The following APBA2 variants were observed in gnomAD, a reference collection of about 807,000 sequenced individuals.
The protein encoded by APBA2 is amyloid beta precursor protein binding family A member 2.
In APBA2, 30 loss-of-function variants were observed where a neutral mutation model predicts 75.0. That is an observed-to-expected ratio of 0.40 (90% CI 0.30 to 0.54). The LOEUF is 0.54. APBA2 is among the 20% of genes least tolerant of loss of function. The pLI is 0.49. For missense variants in APBA2, 801 were observed against 1,016.1 expected (o/e 0.79, Z 2.88); for synonymous variants, 444 against 409.6 (o/e 1.08, Z -1.01).
intron 4 of APBA2, among the ~76,000 whole-genome samples, chr15:29,060,931 C>A (rs1054881493): frequency 8.5e-5 from 13 of 152,084 alleles, no homozygotes; most frequent in Non-Finnish European, 5.9e-5. Flanking sequence ...GAGGGAGGAC[C>A]CCAGCTGGGC....
chr15:29,075,052 T>A, intron 5 of APBA2, 51 bp downstream of exon 5: 1 of 1,296,978 alleles, frequency 7.7e-7, no homozygotes, highest in Non-Finnish European at 1.1e-6. Flanking sequence ...CATCTAATGA[T>A]GGAGTGGCCC....
intron 2 of APBA2, among the ~76,000 whole-genome samples, chr15:28,954,492 C>T (rs1398298929): frequency 2.0e-5 from 3 of 152,190 alleles, no homozygotes; most frequent in South Asian, 2.1e-4. Context: ...GTGGCTTCTG[C>T]GGACTTTGGT....
At chr15:28,921,776 C>T (rs1432418602) in intron 2 of APBA2, 27 bp downstream of exon 2, 1 of 152,226 alleles carries the variant, frequency 6.6e-6, no homozygotes, top group Non-Finnish European at 1.5e-5. Context: ...ATGATCCCCA[C>T]TGCACTTAAT....
At chr15:28,983,543 G>A (rs748807893) in intron 2 of APBA2, among the ~76,000 whole-genome samples, 30 of 152,250 alleles carry the variant, frequency 2.0e-4, no homozygotes, top group Non-Finnish European at 3.5e-4. Flanking sequence ...TTTTCTCTTC[G>A]AGGCTGGTTG....
chr15:28,976,068 A>G (rs374689338), intron 2 of APBA2, among the ~76,000 whole-genome samples: 8 of 152,242 alleles, frequency 5.3e-5, no homozygotes, highest in East Asian at 1.9e-4. Flanking sequence ...ATGTCTTTCA[A>G]TAAAGTAACA....
chr15:28,890,255 G>T lies in APBA2; in HGVS notation c.-205+3977G>T, dbSNP rs980493885. On this transcript the variant is annotated intron_variant, in intron 1 of 14. Transcript: ENST00000683413. The stretch of plus-strand genomic sequence containing the variant: ...GGCCAGAGGAGAATGTGTTTGGGAA[G>T]GTAAGCAGCCCAAAGAGTGAGCTTT... 6.6e-5 allele frequency among the ~76,000 whole-genome samples: 10 copies of T among 152,296 alleles called. No individual in the cohort carries two copies. In the East Asian group the frequency reaches 1.2e-3, roughly 18 times the overall value.
intron 4 of APBA2, among the ~76,000 whole-genome samples, chr15:29,065,561 C>T (rs2042344326): frequency 6.6e-6 from 1 of 152,176 alleles, no homozygotes; most frequent in South Asian, 2.1e-4. Context: ...CTACGCACAA[C>T]TCAGACATGT....
intron 3 of APBA2, among the ~76,000 whole-genome samples, chr15:29,009,935 G>A (rs1487616875): frequency 6.6e-6 from 1 of 152,168 alleles, no homozygotes; most frequent in Admixed American, 6.5e-5. Context: ...GGAATGGGTA[G>A]GTCACAGGGT....
In APBA2 at chr15:29,098,473, T is replaced by G; in HGVS notation, c.1252-17T>G. The G allele has an allele frequency of 1.2e-6, 2 of 1,603,194 alleles. No individual in the cohort carries two copies. The highest frequency in any genetic ancestry group is 8.5e-7 in the Non-Finnish European group (1 of 1,169,982). On this transcript the variant is annotated splice_polypyrimidine_tract_variant and intron_variant, in intron 8 of 14. Coordinates refer to ENST00000683413, the MANE Select transcript of APBA2 (RefSeq NM_001353788.2). ...AGTTGGTTTTTGGACTTTAACAATATCCACTGTCCTTCTTAGAATTCTGAG... is the reference window on the plus strand; with the variant it reads ...AGTTGGTTTTTGGACTTTAACAATAGCCACTGTCCTTCTTAGAATTCTGAG...
At chr15:29,079,693 A>G (rs956413726) in intron 6 of APBA2, among the ~76,000 whole-genome samples, 1 of 152,130 alleles carries the variant, frequency 6.6e-6, no homozygotes, top group Non-Finnish European at 1.5e-5. Context: ...GCCCCTGTGT[A>G]AGGGAGGAGC....
intron 2 of APBA2, among the ~76,000 whole-genome samples, chr15:28,928,170 G>T (rs938486497): frequency 1.3e-5 from 2 of 149,310 alleles, no homozygotes; most frequent in South Asian, 2.1e-4. Context: ...GAAACATGTT[G>T]TCCTTTTTGT....
intron 1 of APBA2, among the ~76,000 whole-genome samples, chr15:28,911,723 C>T (rs549113378): frequency 1.3e-5 from 2 of 152,246 alleles, no homozygotes; most frequent in African/African-American, 4.8e-5. Context: ...TAGGACAGTC[C>T]CCCCTTGGCT....
intron 2 of APBA2, among the ~76,000 whole-genome samples, chr15:28,953,245 C>T (rs2035986879): frequency 6.6e-6 from 1 of 152,168 alleles, no homozygotes; most frequent in South Asian, 2.1e-4. Context: ...GCTCAAAAGT[C>T]AGCCCCTCCT....
At chr15:29,052,854 G>A (rs1241032717) in intron 3 of APBA2, among the ~76,000 whole-genome samples, 3 of 152,156 alleles carry the variant, frequency 2.0e-5, no homozygotes, top group African/African-American at 4.8e-5. Flanking sequence ...GAGAAAGAGA[G>A]CAAGAGAGAG....
At chr15:29,068,111 T>C (rs746253514) in intron 4 of APBA2, among the ~76,000 whole-genome samples, 4 of 152,254 alleles carry the variant, frequency 2.6e-5, no homozygotes, top group Non-Finnish European at 4.4e-5. Flanking sequence ...TGTGCAGGGC[T>C]CGAGGCCAAG....
intron 13 of APBA2, chr15:29,108,705 A>G: frequency 2.0e-6 from 1 of 503,278 alleles, no homozygotes; most frequent in East Asian, 3.6e-5. Flanking sequence ...TAGCTTGGAC[A>G]CAACCAATTG....
chr15:28,940,279 G>A (rs1276804516), intron 2 of APBA2, among the ~76,000 whole-genome samples: 3 of 148,692 alleles, frequency 2.0e-5, no homozygotes, highest in Middle Eastern at 3.6e-3. Flanking sequence ...TTGGGAGGCC[G>A]AGGCAGGTGG....
At chr15:28,966,143 A>G (rs563964330) in intron 2 of APBA2, among the ~76,000 whole-genome samples, 1 of 152,084 alleles carries the variant, frequency 6.6e-6, no homozygotes, top group Non-Finnish European at 1.5e-5. Context: ...TGTATGTTCC[A>G]TGGACAATTG....
intron 6 of APBA2, among the ~76,000 whole-genome samples, chr15:29,079,453 C>G (rs573510785): frequency 6.6e-6 from 1 of 152,264 alleles, no homozygotes; most frequent in South Asian, 2.1e-4. Flanking sequence ...CTTAGAAGAC[C>G]CAGAAGCCTC....
Sources: allele counts gnomAD v4.1 joint callset (sites outside exome capture counted in the v4.1 genomes callset), GRCh38; gene constraint gnomAD v4.1.1; transcripts MANE v1.5; gene names NCBI Gene and HGNC (gene_info 2026-07-23, HGNC 2026-07-21).